PDGFRA: variants seen among roughly 807,000 people sequenced by gnomAD.
PDGFRA encodes platelet-derived growth factor receptor alpha.
Under a neutral mutation model 121.5 loss-of-function variants are expected in PDGFRA, and 25 were observed. The observed-to-expected ratio is 0.21, with a 90% confidence interval of 0.15 to 0.29. The LOEUF is 0.29. Among genes scored for constraint, PDGFRA ranks in the 10% least tolerant of loss-of-function variants. The pLI is 1.00. For synonymous variants in PDGFRA, 463 were observed against 494.8 expected, an observed-to-expected ratio of 0.94 and a Z score of 0.85; for missense variants, 1,008 against 1,345.1, an observed-to-expected ratio of 0.75 and a Z score of 3.92.
chr4:54,259,710 A>G (rs190541263), intron 2 of PDGFRA, among the ~76,000 whole-genome samples: 85 of 152,330 alleles, frequency 5.6e-4, no homozygotes, highest in African/African-American at 1.9e-3. Flanking sequence ...AGCTCCACTA[A>G]GTATACCCCA....
At chr4:54,275,835 A>G (rs1434562424) in intron 12 of PDGFRA, among the ~76,000 whole-genome samples, 1 of 152,226 alleles carries the variant, frequency 6.6e-6, no homozygotes. Flanking sequence ...TTAGCCTCCA[A>G]GTTGTCCTTG....
rs1432591879 is a variant in PDGFRA at position 54,296,321 on chromosome 4, C to T, written c.*1049C>T. The T allele has an allele frequency of 1.7e-5, 4 of 231,950 alleles. No homozygotes were observed. The highest frequency in any genetic ancestry group is 6.6e-5 in the African/African-American group (3 of 45,194). 14.4% of individuals were successfully genotyped at this position (231,950 alleles called of 1,614,324 possible). A position where few individuals can be genotyped will look rare whatever the true frequency, so the allele number is the denominator to read the frequency against. On this transcript the variant is annotated 3_prime_UTR_variant, in exon 23 of 23. Transcript: ENST00000257290. Reference sequence around the variant, plus strand: ...TGAACATAACTTCTCATGTATATTACCCAATGGAAAATATAATGATCAGCA... The same window carrying T: ...TGAACATAACTTCTCATGTATATTATCCAATGGAAAATATAATGATCAGCA...
At chr4:54,254,986 G>C (rs575183130) in intron 1 of PDGFRA, among the ~76,000 whole-genome samples, 1 of 152,174 alleles carries the variant, frequency 6.6e-6, no homozygotes, top group African/African-American at 2.4e-5. Flanking sequence ...TGGGCCGGGT[G>C]GGGGGCGGTG....
chr4:54,255,922 A>T (rs1343983246), intron 1 of PDGFRA, among the ~76,000 whole-genome samples: 3 of 152,000 alleles, frequency 2.0e-5, no homozygotes, highest in Non-Finnish European at 4.4e-5. Context: ...TATTAGGCCC[A>T]CTCCATTGCA....
At chr4:54,273,111 A>G (rs950564998) in intron 9 of PDGFRA, among the ~76,000 whole-genome samples, 6 of 152,098 alleles carry the variant, frequency 3.9e-5, no homozygotes, top group Non-Finnish European at 7.4e-5. Flanking sequence ...TTATAACTCA[A>G]TCTGAGGATC....
In PDGFRA at chr4:54,290,429, G is replaced by A. The variant is rs772463000; in HGVS notation, c.2997G>A (p.Lys999=). 2 of 1,614,166 alleles carry A rather than the reference G, an allele frequency of 1.2e-6. No individual in the cohort carries two copies. The highest frequency in any genetic ancestry group is 2.7e-5 in the African/African-American group (2 of 75,068). The part of the protein sequence containing the change: ...IGVTYKNEED[K]LKDWEGGLDE... Reference sequence around the variant, plus strand: ...TCACCTACAAAAACGAGGAAGACAAGCTGAAGGACTGGGAGGGTGGTCTGG... The same window carrying A: ...TCACCTACAAAAACGAGGAAGACAAACTGAAGGACTGGGAGGGTGGTCTGG... The change falls in exon 22 of 23, where the codon AAG becomes AAA. Residue 999 remains lysine, a synonymous_variant. Coordinates refer to ENST00000257290, the MANE Select transcript of PDGFRA (RefSeq NM_006206.6).
intron 1 of PDGFRA, among the ~76,000 whole-genome samples, chr4:54,235,323 A>G (rs1444192607): frequency 3.9e-5 from 6 of 152,198 alleles, no homozygotes; most frequent in African/African-American, 1.4e-4. Flanking sequence ...GCACTGTGCA[A>G]TTGGTGATTG....
Position 54,232,424 on chromosome 4 carries a change from G to A in PDGFRA, c.-13+3009G>A, listed in dbSNP as rs376212890. Among the ~76,000 whole-genome samples, 24 of 152,332 alleles carry A rather than the reference G, an allele frequency of 1.6e-4. 1 individual carries two copies. In the South Asian group the frequency reaches 4.3e-3, roughly 28 times the overall value. ...GGATGGGCTGAAAAAGTAGATTGTA[G>A]GAGGGAATAATGGGAAACCCGACTT... On this transcript the variant is annotated intron_variant, in intron 1 of 22. Transcript: ENST00000257290.
chr4:54,236,342 T>C (rs1438461291), intron 1 of PDGFRA, among the ~76,000 whole-genome samples: 1 of 152,126 alleles, frequency 6.6e-6, no homozygotes, highest in Non-Finnish European at 1.5e-5. Flanking sequence ...TTAGAGTAGA[T>C]AAAAGTGGCA....
intron 14 of PDGFRA, 51 bp downstream of exon 14, chr4:54,278,057 G>A (rs2110312774): frequency 9.0e-7 from 1 of 1,108,464 alleles, no homozygotes; most frequent in Non-Finnish European, 1.4e-6. Context: ...ATGTGGTTGT[G>A]AAAACTGTTC....
chr4:54,286,926 G>GTA (rs1157702284), intron 18 of PDGFRA, among the ~76,000 whole-genome samples: 1 of 152,104 alleles, frequency 6.6e-6, no homozygotes, highest in Admixed American at 6.5e-5. Context: ...CTCCCTGTAG[G>GTA]TACAATTCCA....
At chr4:54,243,894 A>AG (rs1721458080) in intron 1 of PDGFRA, among the ~76,000 whole-genome samples, 1 of 152,180 alleles carries the variant, frequency 6.6e-6, no homozygotes, top group African/African-American at 2.4e-5. Flanking sequence ...GCTTAAAAAA[A>AG]GGCACACCAG....
intron 1 of PDGFRA, among the ~76,000 whole-genome samples, chr4:54,236,320 A>C (rs907406031): frequency 2.6e-5 from 4 of 152,228 alleles, no homozygotes; most frequent in Non-Finnish European, 4.4e-5. Context: ...GTTACTAATT[A>C]AGGATGAGCA....
chr4:54,250,678 T>C (rs1182746701), intron 1 of PDGFRA, among the ~76,000 whole-genome samples: 2 of 152,238 alleles, frequency 1.3e-5, no homozygotes, highest in Non-Finnish European at 2.9e-5. Context: ...CCACAGACAA[T>C]TGTCTTGTTT....
chr4:54,267,545 T>TTAA lies in PDGFRA; in HGVS notation c.932-7_932-6insTAA. 1 of 1,614,172 alleles carries TTAA rather than the reference T, an allele frequency of 6.2e-7. No homozygotes were observed. The highest frequency in any genetic ancestry group is 8.5e-7 in the Non-Finnish European group (1 of 1,180,020). ...TCATTATTTAATGGAAACTCTTCCC[T>TTAA]GTACAGAGAAAGGTTTCATTGAAAT... is the stretch of plus-strand genomic sequence containing the variant. On this transcript the variant is annotated splice_region_variant and splice_polypyrimidine_tract_variant and intron_variant, in intron 6 of 22. Transcript: ENST00000257290.
At chr4:54,248,473 C>T (rs1470658215) in intron 1 of PDGFRA, among the ~76,000 whole-genome samples, 2 of 152,194 alleles carry the variant, frequency 1.3e-5, no homozygotes, top group African/African-American at 2.4e-5. Flanking sequence ...GGAAAGGATT[C>T]TTTATTTAAT....
At chr4:54,265,071 A>G (rs765622720) in intron 5 of PDGFRA, 22 bp downstream of exon 5, 2 of 1,612,514 alleles carry the variant, frequency 1.2e-6, no homozygotes, top group African/African-American at 1.3e-5. Flanking sequence ...CAAAACGTGC[A>G]ATGGCTTGGA....
At position 54,240,003 on chromosome 4, in the gene PDGFRA, A is replaced by G. The variant is rs550325433; in HGVS notation, c.-13+10588A>G. 1.5e-4 allele frequency: 61 copies of G among 412,830 alleles called. 3 individuals carry two copies. Among genetic ancestry groups the G allele is most frequent in the South Asian group, 1.1e-3 (61 of 55,618 alleles). The allele number at this position is 412,830 out of a possible 1,614,324, so 25.6% of individuals were successfully genotyped here. A position where few individuals can be genotyped will look rare whatever the true frequency, so the allele number is the denominator to read the frequency against. ...GTAGCTGGGACTATAGGCATGCACC[A>G]CCACGCCTGGCTAAATTTTGTATTT... is the stretch of plus-strand genomic sequence containing the variant. On this transcript the variant is annotated intron_variant, in intron 1 of 22. Transcript: ENST00000257290.
intron 1 of PDGFRA, among the ~76,000 whole-genome samples, chr4:54,254,826 C>T (rs1722270322): frequency 6.6e-6 from 1 of 152,322 alleles, no homozygotes; most frequent in Admixed American, 6.5e-5. Flanking sequence ...CCGGGCTCCT[C>T]AGAAGCGATC....
Sources: gnomAD v4.1 joint callset for allele counts (sites outside exome capture counted in the v4.1 genomes callset) on GRCh38, gnomAD v4.1.1 for gene constraint, MANE v1.5 for transcripts, NCBI Gene and HGNC (gene_info 2026-07-23, HGNC 2026-07-21) for gene names.